AFF2: variants seen among roughly 807,000 people sequenced by gnomAD.
AFF2 encodes the protein AF4/FMR2 family member 2.
Under a neutral mutation model 76.9 loss-of-function variants are expected in AFF2, and 14 were observed. That is an observed-to-expected ratio of 0.18 (90% confidence interval 0.12 to 0.28). The LOEUF (loss-of-function observed/expected upper bound fraction) is 0.28. AFF2 is among the 10% of genes least tolerant of loss of function. AFF2 has a pLI of 1.00. For synonymous variants in AFF2, 398 were observed against 366.7 expected, an observed-to-expected ratio of 1.09 and a Z score of -0.98; for missense variants, 868 against 1,001.1, an observed-to-expected ratio of 0.87 and a Z score of 1.79.
At chrX:148,548,992 T>C (rs2052960266) in intron 1 of AFF2, among the ~76,000 whole-genome samples, 1 of 112,619 alleles carries the variant, frequency 8.9e-6, no homozygotes, top group Admixed American at 9.4e-5. Flanking sequence ...CTTTTTATGA[T>C]GTTTTTGTTT....
At chrX:148,747,830 G>T (rs1557266190) in intron 3 of AFF2, among the ~76,000 whole-genome samples, 1 of 111,320 alleles carries the variant, frequency 9.0e-6, no homozygotes, top group Non-Finnish European at 1.9e-5. Context: ...GTTTTGGTTT[G>T]CTGGTTCCCT....
Position 148,662,035 on chromosome X carries a change from C to G in AFF2, c.308C>G (p.Pro103Arg). Residue 103 changes from proline to arginine, a missense_variant, in exon 3 of 21, where the codon CCC (proline) becomes CGC (arginine). Physicochemically the swap from Pro to Arg is moderately radical, Grantham distance 103 (BLOSUM62 -2). Coordinates refer to ENST00000370460, the MANE Select transcript of AFF2 (RefSeq NM_002025.4). ...HLVGIPKNSV[P>R]QNPNNKNEPS... ...GTGGGAATTCCAAAGAATTCTGTGC[C>G]CCAGAATCCCAACAACAAAAATGAA... The G allele has an allele frequency of 8.3e-7, 1 of 1,210,583 alleles. No individual in the cohort carries two copies. Among genetic ancestry groups the G allele is most frequent in the Non-Finnish European group, 1.1e-6 (1 of 894,674 alleles).
At chrX:148,887,981 C>T (rs1403546541) in intron 8 of AFF2, among the ~76,000 whole-genome samples, 1 of 112,545 alleles carries the variant, frequency 8.9e-6, no homozygotes, top group Non-Finnish European at 1.9e-5. Context: ...TTTTAGGATG[C>T]ATAATGTCTT....
intron 12 of AFF2, among the ~76,000 whole-genome samples, chrX:148,958,733 G>A (rs1276038543): frequency 1.8e-5 from 2 of 110,894 alleles, no homozygotes; most frequent in Non-Finnish European, 3.8e-5. Flanking sequence ...TAGTCAAAAC[G>A]AACTTTTAGC....
chrX:148,769,053 T>C (rs2069553578), intron 3 of AFF2, among the ~76,000 whole-genome samples: 1 of 112,480 alleles, frequency 8.9e-6, no homozygotes, highest in East Asian at 2.8e-4. Flanking sequence ...GCTTGACATG[T>C]GTACAGCTAG....
chrX:148,527,031 A>G, intron 1 of AFF2, among the ~76,000 whole-genome samples: 1 of 112,346 alleles, frequency 8.9e-6, no homozygotes, highest in South Asian at 3.7e-4. Flanking sequence ...CATAATTTCT[A>G]AGTATTTCCC....
At chrX:148,704,310 G>A (rs5936420) in intron 3 of AFF2, among the ~76,000 whole-genome samples, 194 of 35,416 alleles carry the variant, frequency 5.5e-3, no homozygotes, top group Middle Eastern at 0.015. Context: ...TTATATATAT[G>A]TGTGTATATA....
At chrX:148,856,635 C>T (rs1364526425) in intron 7 of AFF2, among the ~76,000 whole-genome samples, 7 of 111,572 alleles carry the variant, frequency 6.3e-5, no homozygotes, top group Non-Finnish European at 1.1e-4. Flanking sequence ...GGAATTTGGC[C>T]AGAGATATTC....
In AFF2 at chrX:148,586,372, C is replaced by A. The variant is rs782439018; in HGVS notation, c.48-65627C>A. Among the ~76,000 whole-genome samples the A allele has an allele frequency of 6.2e-5, 7 of 112,004 alleles. No individual in the cohort carries two copies. The Admixed American group carries it at 6.6e-4, about 11-fold the overall frequency. The stretch of plus-strand genomic sequence containing the variant: ...CGCCATGATGGAAATACATATTAGG[C>A]TTTTAGAATTTGTAGAGATTAATGT... On this transcript the variant is annotated intron_variant, in intron 1 of 20. Transcript: ENST00000370460.
chrX:148,930,177 TAA>T (rs1304322061), intron 9 of AFF2, among the ~76,000 whole-genome samples: 1 of 112,308 alleles, frequency 8.9e-6, no homozygotes, highest in Non-Finnish European at 1.9e-5. Flanking sequence ...GTATAAGTGA[TAA>T]GAGGCTATAA....
intron 3 of AFF2, among the ~76,000 whole-genome samples, chrX:148,747,640 A>G (rs1296909672): frequency 9.0e-6 from 1 of 111,728 alleles, no homozygotes; most frequent in Non-Finnish European, 1.9e-5. Context: ...CATTAACAAC[A>G]AATATTTTAA....
In AFF2 at chrX:148,993,931, T is replaced by C. The variant is rs1293215787; in HGVS notation, c.*2599T>C. The C allele has an allele frequency of 8.9e-6, 1 of 112,488 alleles. No individual in the cohort carries two copies. The highest frequency in any genetic ancestry group is 9.4e-5 in the Admixed American group (1 of 10,583). The allele number at this position is 112,488 out of a possible 1,213,427, so 9.3% of individuals were successfully genotyped here. ...TATAGTTACTCTGTTCATCACAGTG[T>C]AAATGGTGATGCGTGTCGTAGGTGT... is the stretch of plus-strand genomic sequence containing the variant. On this transcript the variant is annotated 3_prime_UTR_variant, in exon 21 of 21. Coordinates refer to ENST00000370460, the MANE Select transcript of AFF2 (RefSeq NM_002025.4).
At chrX:148,773,580 C>T (rs73605949) in intron 3 of AFF2, among the ~76,000 whole-genome samples, 1,121 of 100,550 alleles carry the variant, frequency 0.011, 25 homozygotes, top group African/African-American at 0.038. Context: ...CAAATGCAAA[C>T]GATGAGTATG....
At chrX:148,501,459 T>C (rs2052349795) in intron 1 of AFF2, among the ~76,000 whole-genome samples, 2 of 112,901 alleles carry the variant, frequency 1.8e-5, no homozygotes, top group Non-Finnish European at 3.8e-5. Flanking sequence ...GGAGCTTTTC[T>C]CTCGGAGCGG....
intron 1 of AFF2, among the ~76,000 whole-genome samples, chrX:148,625,850 G>C (rs1310270478): frequency 9.0e-6 from 1 of 111,334 alleles, no homozygotes; most frequent in Non-Finnish European, 1.9e-5. Flanking sequence ...CAAGGGAGCT[G>C]ATGACCCACA....
chrX:148,767,884 C>T (rs2069538120), intron 3 of AFF2, among the ~76,000 whole-genome samples: 1 of 111,302 alleles, frequency 9.0e-6, no homozygotes, highest in South Asian at 3.8e-4. Flanking sequence ...TCAAAGACTT[C>T]TGGGAAGTAC....
chrX:148,679,359 A>G (rs2054522454), intron 3 of AFF2, among the ~76,000 whole-genome samples: 1 of 109,596 alleles, frequency 9.1e-6, no homozygotes, highest in Admixed American at 1.0e-4. Flanking sequence ...TTATGTCTTC[A>G]TAAATCAAGA....
intron 4 of AFF2, among the ~76,000 whole-genome samples, chrX:148,810,605 T>C (rs2070191466): frequency 8.9e-6 from 1 of 112,091 alleles, no homozygotes; most frequent in South Asian, 3.7e-4. Context: ...GCTCCTGAGC[T>C]CCTGTCCTGG....
At chrX:148,542,591 A>G (rs1261194152) in intron 1 of AFF2, among the ~76,000 whole-genome samples, 2 of 112,255 alleles carry the variant, frequency 1.8e-5, no homozygotes, top group African/African-American at 6.5e-5. Flanking sequence ...TGAAGAACTG[A>G]GGCTTGGCTG....
Sources: allele counts gnomAD v4.1 joint callset (sites outside exome capture counted in the v4.1 genomes callset), GRCh38; gene constraint gnomAD v4.1.1; transcripts MANE v1.5; gene names NCBI Gene and HGNC (gene_info 2026-07-23, HGNC 2026-07-21).